GALNS: variants seen among roughly 807,000 people sequenced by gnomAD.
GALNS encodes N-acetylgalactosamine-6-sulfatase.
Under a neutral mutation model 65.9 loss-of-function variants are expected in GALNS, and 65 were observed. That is an observed-to-expected ratio of 0.99 (90% confidence interval 0.81 to 1.21). The LOEUF is 1.21. Among genes scored for constraint, GALNS ranks in the 50% most tolerant of loss-of-function variants. The pLI, the probability that GALNS is intolerant of heterozygous loss-of-function variation, is 0.00. For synonymous variants in GALNS, 346 were observed against 288.9 expected, an observed-to-expected ratio of 1.20 and a Z score of -2.00; for missense variants, 776 against 700.7, an observed-to-expected ratio of 1.11 and a Z score of -1.21.
Position 88,826,914 on chromosome 16 carries a change from G to A in GALNS, c.1003-76C>T, listed in dbSNP as rs560532686. ...GGGCTGGGGGCCAATCCCTGGGGGG[G>A]CGTGAGCCCCGCTGCCCAGCTGGGT... is the stretch of plus-strand genomic sequence containing the variant. On this transcript the variant is annotated intron_variant, in intron 9 of 13. Transcript: ENST00000268695. The A allele has an allele frequency of 4.6e-6, 7 of 1,523,776 alleles. No homozygotes were observed. In the East Asian group the frequency reaches 7.4e-5, roughly 16 times the overall value. 94.4% of individuals were successfully genotyped at this position (1,523,776 alleles called of 1,614,324 possible). A position where few individuals can be genotyped will look rare whatever the true frequency, so the allele number is the denominator to read the frequency against.
chr16:88,826,761 G>A lies in GALNS; in HGVS notation c.1080C>T (p.Asp360=), dbSNP rs1292581619. 1.2e-6 allele frequency: 2 copies of A among 1,610,734 alleles called. No individual in the cohort carries two copies. Among genetic ancestry groups the A allele is most frequent in the East Asian group, 2.2e-5 (1 of 44,804 alleles). The part of the protein sequence containing the change: ...LALAGLTPPS[D]RAIDGLNLLP... ...GGAGGTTGAGGCCATCAATGGCCCT[G>A]TCGCTGGGCGGCGTCAGGCCCGCAA... Residue 360 remains aspartate, a synonymous_variant, in exon 10 of 14, where the codon GAC becomes GAT. Coordinates refer to ENST00000268695, the MANE Select transcript of GALNS (RefSeq NM_000512.5).
At chr16:88,847,082 C>T (rs915538445) in intron 1 of GALNS, among the ~76,000 whole-genome samples, 2 of 152,202 alleles carry the variant, frequency 1.3e-5, no homozygotes, top group Non-Finnish European at 2.9e-5. Flanking sequence ...TCAGGAGGAA[C>T]GCAAACAGCT....
In GALNS at chr16:88,830,255, AAC is replaced by A. The variant is rs1491014321; in HGVS notation, c.1002+1741_1002+1742del. Among the ~76,000 whole-genome samples, 595 of 149,612 alleles carry A rather than the reference AAC, an allele frequency of 4.0e-3. 51 individuals are homozygous for A. The highest frequency in any genetic ancestry group is 0.014 in the African/African-American group (555 of 39,968). ...CAAAAAAAAAAAAAAAAAAAAAAAA[AAC>A]GTGGAACAGGAAGGCCAGGGACAGA... On this transcript the variant is annotated intron_variant, in intron 9 of 13. Coordinates refer to ENST00000268695, the MANE Select transcript of GALNS (RefSeq NM_000512.5).
intron 13 of GALNS, chr16:88,817,138 A>G (rs115376549): frequency 1.0e-6 from 1 of 985,322 alleles, no homozygotes; most frequent in Admixed American, 6.1e-5. Context: ...CGGCCACTGC[A>G]CACGCGGGAT....
In GALNS at chr16:88,836,219, G is replaced by A; in HGVS notation, c.615C>T (p.Leu205=). ...CCATCACCTGCAGGTAGATCTGGGT[G>A]AGGTTGGCTTCCCCCGTCTTCAGAT... The part of the protein sequence containing the change: ...PINLKTGEAN[L]TQIYLQEALD... The change falls in exon 6 of 14, where the codon CTC becomes CTT. Residue 205 remains leucine (L), a synonymous_variant. Transcript: ENST00000268695. 6.2e-7 allele frequency: 1 copy of A among 1,613,602 alleles called. No individual in the cohort carries two copies. The highest frequency in any genetic ancestry group is 8.5e-7 in the Non-Finnish European group (1 of 1,179,830).
rs1023757723 is a variant in GALNS at position 88,816,929 on chromosome 16, C to T, written c.1482+1078G>A. The T allele has an allele frequency of 6.6e-5, 65 of 985,350 alleles. No homozygotes were observed. In the African/African-American group the frequency reaches 9.3e-4, roughly 14 times the overall value. 61.0% of individuals were successfully genotyped at this position (985,350 alleles called of 1,614,324 possible). On this transcript the variant is annotated intron_variant, in intron 13 of 13. Transcript: ENST00000268695. ...CCAGCCCGTGTAAACAGGTGAGCGA[C>T]GGCCCAGGGGCCTCGAGGCTGGGCT...
At chr16:88,855,246 G>A (rs1181260641) in intron 1 of GALNS, 1 of 699,312 alleles carries the variant, frequency 1.4e-6, no homozygotes, top group Non-Finnish European at 2.6e-6. Context: ...CTCTGAGAAA[G>A]TCAGGAAAAG....
At chr16:88,828,010 C>T (rs914777560) in intron 9 of GALNS, among the ~76,000 whole-genome samples, 8 of 152,240 alleles carry the variant, frequency 5.3e-5, no homozygotes, top group African/African-American at 7.2e-5. Flanking sequence ...CTCACAGGGA[C>T]ACTCACTCCG....
intron 13 of GALNS, 89 bp downstream of exon 13, chr16:88,817,918 G>T: frequency 9.1e-7 from 1 of 1,101,886 alleles, no homozygotes; most frequent in Non-Finnish European, 1.3e-6. Flanking sequence ...GCCTGCCTCT[G>T]CCCTGTGCTG....
rs1414082372 is a variant in GALNS at position 88,824,827 on chromosome 16, G to T, written c.1182C>A (p.Thr394=). The T allele has an allele frequency of 3.1e-6, 5 of 1,613,302 alleles. No homozygotes were observed. The highest frequency in any genetic ancestry group is 1.7e-5 in the Admixed American group (1 of 60,004). ...YYRGDTLMAA[T]LGQHKAHFWT... ...AGAAGTGAGCCTTGTGCTGCCCGAG[G>T]GTGGCCGCCATCAGCGTGTCGCCAC... is the stretch of plus-strand genomic sequence containing the variant. Residue 394 remains threonine, a synonymous_variant, in exon 11 of 14, where the codon ACC becomes ACA. Transcript: ENST00000268695.
chr16:88,814,248 G>C lies in GALNS; in HGVS notation c.*191C>G. 2.7e-6 allele frequency: 2 copies of C among 745,700 alleles called. No homozygotes were observed. The highest frequency in any genetic ancestry group is 4.6e-5 in the Admixed American group (2 of 43,884). 46.2% of individuals were successfully genotyped at this position (745,700 alleles called of 1,614,324 possible). A position where few individuals can be genotyped will look rare whatever the true frequency, so the allele number is the denominator to read the frequency against. ...TCCTGAAATCTGAGGCGCCGTGGGC[G>C]AGGAGGAGGGCCAAGCACACGCCAG... is the stretch of plus-strand genomic sequence containing the variant. On this transcript the variant is annotated 3_prime_UTR_variant, in exon 14 of 14. Coordinates refer to ENST00000268695, the MANE Select transcript of GALNS (RefSeq NM_000512.5).
Position 88,837,497 on chromosome 16 carries a change from G to T in GALNS, c.566+125C>A, listed in dbSNP as rs1912259632. The T allele has an allele frequency of 5.0e-6, 5 of 992,322 alleles. No homozygotes were observed. In the South Asian group the frequency reaches 7.1e-5, roughly 14 times the overall value. The allele number at this position is 992,322 out of a possible 1,614,324, so 61.5% of individuals were successfully genotyped here. A position where few individuals can be genotyped will look rare whatever the true frequency, so the allele number is the denominator to read the frequency against. ...ACCAAACCAAAGCCCTCGGTGCCCG[G>T]GGACCCAGGGACAGACCAGCCCTCA... On this transcript the variant is annotated intron_variant, in intron 5 of 13. Coordinates refer to ENST00000268695, the MANE Select transcript of GALNS (RefSeq NM_000512.5).
At chr16:88,831,243 AGGAGAGCGGTGAGGCCGAGCACG>A (rs1567526242) in intron 9 of GALNS, among the ~76,000 whole-genome samples, 1 of 142,252 alleles carries the variant, frequency 7.0e-6, no homozygotes, top group East Asian at 2.2e-4. Context: ...GTGCGTGGGG[AGGAGAGCGGTGAGGCCGAGCACG>A]GGGTGCGTGG....
chr16:88,840,503 A>G (rs1185778149), intron 4 of GALNS: 1 of 252,134 alleles, frequency 4.0e-6, no homozygotes, highest in African/African-American at 2.3e-5. Flanking sequence ...TGTAGCACCC[A>G]AGCTCTCATC....
intron 1 of GALNS, chr16:88,855,213 C>G (rs1567548228): frequency 4.3e-6 from 3 of 694,734 alleles, no homozygotes; most frequent in Non-Finnish European, 7.9e-6. Context: ...TATTCATGAG[C>G]TGCCCCGCCT....
intron 8 of GALNS, among the ~76,000 whole-genome samples, chr16:88,834,601 CCCCCCCCG>C: frequency 1.2e-5 from 1 of 84,858 alleles, no homozygotes; most frequent in Admixed American, 1.3e-4. Flanking sequence ...GGCTGTAGGG[CCCCCCCCG>C]TGTGGTCTGG....
chr16:88,832,153 C>T, intron 8 of GALNS, 52 bp from the exon 9 acceptor site: 1 of 1,433,226 alleles, frequency 7.0e-7, no homozygotes, highest in Non-Finnish European at 9.7e-7. Flanking sequence ...TCCCCAGGCC[C>T]TCCCCCTCCC....
intron 1 of GALNS, among the ~76,000 whole-genome samples, chr16:88,854,832 T>C (rs1241742205): frequency 6.6e-6 from 1 of 152,268 alleles, no homozygotes; most frequent in African/African-American, 2.4e-5. Flanking sequence ...CATCTTCTGC[T>C]GTCTGCATCA....
At chr16:88,833,442 C>G (rs1356923227) in intron 8 of GALNS, among the ~76,000 whole-genome samples, 1 of 149,082 alleles carries the variant, frequency 6.7e-6, no homozygotes, top group South Asian at 2.1e-4. Context: ...CTTTCCTTCT[C>G]TCTCCCATCC....
Sources: gnomAD v4.1 joint callset for allele counts (sites outside exome capture counted in the v4.1 genomes callset) on GRCh38, gnomAD v4.1.1 for gene constraint, MANE v1.5 for transcripts, NCBI Gene and HGNC (gene_info 2026-07-23, HGNC 2026-07-21) for gene names.